TLN1: variants seen among roughly 807,000 people sequenced by gnomAD.
TLN1 encodes the protein talin 1, also known as talin-1.
In TLN1, 56 loss-of-function variants were observed where a neutral mutation model predicts 292.3. The observed-to-expected ratio is 0.19, with a 90% CI of 0.15 to 0.24. The LOEUF is 0.24. TLN1 is among the 10% of genes least tolerant of loss of function. The pLI, the probability that TLN1 is intolerant of heterozygous loss-of-function variation, is 1.00. For synonymous variants in TLN1, 1,119 were observed against 1,253.7 expected, an observed-to-expected ratio of 0.89 and a Z score of 2.27; for missense variants, 2,433 against 3,248.2, an observed-to-expected ratio of 0.75 and a Z score of 6.10.
intron 20 of TLN1, 123 bp from the exon 21 acceptor site, chr9:35,715,310 G>GC: frequency 7.4e-7 from 1 of 1,352,616 alleles, no homozygotes; most frequent in Non-Finnish European, 9.9e-7. Flanking sequence ...TCTCTAACTA[G>GC]CCCCACCAAA....
intron 33 of TLN1, among the ~76,000 whole-genome samples, chr9:35,709,886 CAA>C (rs546437173): frequency 0.029 from 371 of 12,788 alleles, no homozygotes; most frequent in African/African-American, 0.097. Flanking sequence ...AACTCGGTCT[CAA>C]AAAAAAAAAA....
Position 35,711,995 on chromosome 9 carries a change from G to A in TLN1, c.3681+10C>T, listed in dbSNP as rs542493978. 44 of 1,613,238 alleles carry A rather than the reference G, an allele frequency of 2.7e-5. No homozygotes were observed. Among genetic ancestry groups the A allele is most frequent in the African/African-American group, 4.0e-5 (3 of 74,998 alleles). ...CTCCTACGTTCCCCCACCCCCTACC[G>A]TCCTCCTACCGAGTCACTCAGGAGT... On this transcript the variant is annotated intron_variant, in intron 28 of 56. Transcript: ENST00000314888.
Position 35,697,280 on chromosome 9 carries a change from C to G in TLN1, c.*511G>C, listed in dbSNP as rs150344894. ...AGCTGGGTGACAGAATTCAACCCCACTGTCTCTCCTACTGCCCTGGGAGAA... is the reference window on the plus strand; with the variant it reads ...AGCTGGGTGACAGAATTCAACCCCAGTGTCTCTCCTACTGCCCTGGGAGAA... On this transcript the variant is annotated 3_prime_UTR_variant, in exon 57 of 57. Coordinates refer to ENST00000314888, the MANE Select transcript of TLN1 (RefSeq NM_006289.4). 2.6e-5 allele frequency: 4 copies of G among 153,880 alleles called. 1 individual carries two copies. In the East Asian group the frequency reaches 7.7e-4, roughly 30 times the overall value. 9.5% of individuals were successfully genotyped at this position (153,880 alleles called of 1,614,324 possible).
chr9:35,728,225 G>A (rs1001345968), intron 1 of TLN1, among the ~76,000 whole-genome samples: 2 of 152,182 alleles, frequency 1.3e-5, no homozygotes, highest in African/African-American at 4.8e-5. Flanking sequence ...GGGGTACTTG[G>A]AGAATATAGT....
At chr9:35,716,190 T>G (rs1057354475) in intron 20 of TLN1, among the ~76,000 whole-genome samples, 200 bp downstream of exon 20, 2 of 112,428 alleles carry the variant, frequency 1.8e-5, no homozygotes, top group African/African-American at 6.7e-5. Flanking sequence ...ACCACATCTT[T>G]AAAAAAAAAA....
rs551824551 is a variant in TLN1 at position 35,706,742 on chromosome 9, T to C, written c.5088+26A>G. The C allele has an allele frequency of 1.2e-6, 2 of 1,609,818 alleles. No individual in the cohort carries two copies. The highest frequency in any genetic ancestry group is 1.7e-5 in the Admixed American group (1 of 59,500). On this transcript the variant is annotated intron_variant, in intron 38 of 56. Coordinates refer to ENST00000314888, the MANE Select transcript of TLN1 (RefSeq NM_006289.4). The surrounding 1 kb of genome is among the most constrained non-coding windows in gnomAD (Gnocchi z 4.2). ...TGATATTTCTCTTCCTAGACACATC[T>C]TTCCATATAACCCTCTCCCTCTCAC... is the stretch of plus-strand genomic sequence containing the variant.
chr9:35,711,839 A>T, intron 28 of TLN1, 47 bp from the exon 29 acceptor site: 1 of 1,611,340 alleles, frequency 6.2e-7, no homozygotes, highest in East Asian at 2.2e-5. Flanking sequence ...GGAATGATGC[A>T]GGGAGAAGTC....
At position 35,697,739 on chromosome 9, in the gene TLN1, A is replaced by T. The variant is rs528390479; in HGVS notation, c.*52T>A. On this transcript the variant is annotated 3_prime_UTR_variant, in exon 57 of 57. Transcript: ENST00000314888. ...CCCCGACAGCCCAGAAGGCTTTGGT[A>T]GTGGCACGCACAGTCTCTGGGCCGG... 1 of 1,599,204 alleles carries T rather than the reference A, an allele frequency of 6.3e-7. No homozygotes were observed. The highest frequency in any genetic ancestry group is 1.3e-5 in the African/African-American group (1 of 74,516).
chr9:35,712,575 G>A (rs1825693254), intron 27 of TLN1, among the ~76,000 whole-genome samples: 2 of 151,230 alleles, frequency 1.3e-5, no homozygotes, highest in South Asian at 4.2e-4. Context: ...TTGAACCCAG[G>A]AGGCGGAGAC....
In TLN1 at chr9:35,699,563, G is replaced by A; in HGVS notation, c.6769-102C>T. ...TGGCCCCCTCACCCCTATCCCTAGA[G>A]CACTCCACACCATAGCCCTCAAACT... is the stretch of plus-strand genomic sequence containing the variant. On this transcript the variant is annotated intron_variant, in intron 50 of 56. Coordinates refer to ENST00000314888, the MANE Select transcript of TLN1 (RefSeq NM_006289.4). This position sits in a 1 kb window ranked among gnomAD's most constrained non-coding sequence, Gnocchi z 4.0. 1 of 1,465,654 alleles carries A rather than the reference G, an allele frequency of 6.8e-7. No homozygotes were observed. The highest frequency in any genetic ancestry group is 2.5e-5 in the Admixed American group (1 of 39,226). 90.8% of individuals were successfully genotyped at this position (1,465,654 alleles called of 1,614,324 possible).
intron 8 of TLN1, 125 bp from the exon 9 acceptor site, chr9:35,722,348 A>C: frequency 1.2e-6 from 1 of 824,206 alleles, no homozygotes. Flanking sequence ...AGTACAAGAT[A>C]TGAGAACGAG....
Position 35,716,459 on chromosome 9 carries a change from G to C in TLN1, c.2556C>G (p.Asn852Lys), listed in dbSNP as rs1381639969. ...ADAEGESDLE[N>K]SRKLLSAAKI... ...TGGCAGCACTTAAGAGCTTGCGGGA[G>C]TTCTCCAGATCACTTTCCCCCTCAG... Residue 852 changes from asparagine (N) to lysine (K), a missense_variant, in exon 20 of 57, where the codon AAC becomes AAG. This residue lies in a region of TLN1 where 617 missense variants were observed against 770.6 expected (regional missense o/e 0.80). Coordinates refer to ENST00000314888, the MANE Select transcript of TLN1 (RefSeq NM_006289.4). 1 of 1,614,234 alleles carries C rather than the reference G, an allele frequency of 6.2e-7. No homozygotes were observed. The highest frequency in any genetic ancestry group is 1.1e-5 in the South Asian group (1 of 91,086).
chr9:35,725,822 G>A, intron 1 of TLN1, 95 bp from the exon 2 acceptor site: 1 of 1,120,148 alleles, frequency 8.9e-7, no homozygotes, highest in Non-Finnish European at 1.3e-6. Flanking sequence ...TTTTTGAAAG[G>A]GACTCACCAA....
Position 35,724,906 on chromosome 9 carries a change from A to G in TLN1, c.282T>C (p.Asp94=), listed in dbSNP as rs1490573950. Residue 94 remains aspartate, a synonymous_variant, in exon 4 of 57, where the codon GAT becomes GAC. Coordinates refer to ENST00000314888, the MANE Select transcript of TLN1 (RefSeq NM_006289.4). The surrounding 1 kb of genome is among the most constrained non-coding windows in gnomAD (Gnocchi z 4.7). ...KQRPLKIRML[D]GTVKTIMVDD... ...CCACCATGATCGTCTTCACAGTTCC[A>G]TCCAGCATACGGATCTTCAGGGGTC... 4.3e-6 allele frequency: 7 copies of G among 1,614,162 alleles called. No individual in the cohort carries two copies. The highest frequency in any genetic ancestry group is 5.9e-6 in the Non-Finnish European group (7 of 1,180,038).
chr9:35,711,989 C>T lies in TLN1; in HGVS notation c.3681+16G>A, dbSNP rs761943923. On this transcript the variant is annotated intron_variant, in intron 28 of 56. Coordinates refer to ENST00000314888, the MANE Select transcript of TLN1 (RefSeq NM_006289.4). ...CTTTGACTCCTACGTTCCCCCACCC[C>T]CTACCGTCCTCCTACCGAGTCACTC... The T allele has an allele frequency of 9.9e-6, 16 of 1,612,902 alleles. No homozygotes were observed. In the Admixed American group the frequency reaches 2.5e-4, roughly 25 times the overall value.
rs780053028 is a variant in TLN1 at position 35,704,425 on chromosome 9, A to G, written c.5954T>C (p.Val1985Ala). ...GTCGAGGTCAGCAATGATACCAGAC[A>G]CAGCGCTGGCTGCTGTGATGCAGGC... Reference protein sequence around the residue: ...TQACITAASAVSGIIADLDTT... With the variant: ...TQACITAASAASGIIADLDTT... The change falls in exon 45 of 57, where the codon GTG becomes GCG. Residue 1985 changes from valine to alanine, a missense_variant. Around this residue, in one of 7 missense-constraint regions of TLN1, gnomAD observed 1,384 missense variants for 1,699.6 expected, o/e 0.81. Transcript: ENST00000314888. This position sits in a 1 kb window ranked among gnomAD's most constrained non-coding sequence, Gnocchi z 6.9. 1.2e-6 allele frequency: 2 copies of G among 1,614,210 alleles called. No individual in the cohort carries two copies. Among genetic ancestry groups the G allele is most frequent in the Non-Finnish European group, 8.5e-7 (1 of 1,180,050 alleles).
At chr9:35,701,572 C>T (rs1241376491) in intron 48 of TLN1, among the ~76,000 whole-genome samples, 1 of 152,222 alleles carries the variant, frequency 6.6e-6, no homozygotes, top group Non-Finnish European at 1.5e-5. Context: ...CATGTCCAGA[C>T]TCTAATTTAT....
At chr9:35,715,231 G>T in intron 20 of TLN1, 44 bp from the exon 21 acceptor site, 1 of 1,596,922 alleles carries the variant, frequency 6.3e-7, no homozygotes, top group Non-Finnish European at 8.5e-7. Flanking sequence ...GCTCTCCTGT[G>T]GATCCTAAAG....
chr9:35,707,619 G>A lies in TLN1; in HGVS notation c.4632+112C>T. ...TAGGTGGTCAGTCTGAATAGAAAGAGCTTGGGCTCAGGCAGAGGGGATTTG... is the reference window on the plus strand; with the variant it reads ...TAGGTGGTCAGTCTGAATAGAAAGAACTTGGGCTCAGGCAGAGGGGATTTG... On this transcript the variant is annotated intron_variant, in intron 35 of 56. Transcript: ENST00000314888. The surrounding 1 kb of genome is among the most constrained non-coding windows in gnomAD (Gnocchi z 5.6). 6.3e-7 allele frequency: 1 copy of A among 1,579,624 alleles called. No homozygotes were observed. The highest frequency in any genetic ancestry group is 1.2e-5 in the South Asian group (1 of 86,102).
Sources: allele counts gnomAD v4.1 joint callset (sites outside exome capture counted in the v4.1 genomes callset), GRCh38; gene constraint gnomAD v4.1.1; regional missense constraint gnomAD v4.1.1; non-coding constraint Gnocchi (gnomAD v3.1); transcripts MANE v1.5; gene names NCBI Gene and HGNC (gene_info 2026-07-23, HGNC 2026-07-21).